ERAP1: variants seen among roughly 807,000 people sequenced by gnomAD.
ERAP1 encodes the protein endoplasmic reticulum aminopeptidase 1.
A neutral mutation model predicts 103.7 loss-of-function variants in ERAP1; 86 were observed. The observed-to-expected ratio is 0.83, with a 90% CI of 0.70 to 0.99. The LOEUF is 0.99. ERAP1 is among the 50% of genes least tolerant of loss of function. The pLI, the probability that ERAP1 is intolerant of heterozygous loss-of-function variation, is 0.00. For missense variants in ERAP1, 1,009 were observed against 1,128.4 expected (o/e 0.89, Z 1.52); for synonymous variants, 398 against 402.4 (o/e 0.99, Z 0.13).
rs469876 is a variant in ERAP1, at chr5:96,785,702, A to G, written c.1943+86T>C. 325,727 of 1,410,578 alleles carry G rather than the reference A, an allele frequency of 0.23. 38,087 individuals are homozygous for G. The highest frequency in any genetic ancestry group is 0.25 in the East Asian group (10,848 of 42,602). The allele number at this position is 1,410,578 out of a possible 1,614,324, so 87.4% of individuals were successfully genotyped here. On this transcript the variant is annotated intron_variant, in intron 13 of 18. Transcript: ENST00000443439. ...ACCTTTCAACTTCTTGTTATCAATC[A>G]ATCATTTTTGTCTTTAGAAATCAAG...
chr5:96,793,932 C>T lies in ERAP1; in HGVS notation c.945G>A (p.Gln315=). 3 of 1,614,026 alleles carry T rather than the reference C, an allele frequency of 1.9e-6. No homozygotes were observed. Among genetic ancestry groups the T allele is most frequent in the South Asian group, 1.1e-5 (1 of 91,086 alleles). The change falls in exon 6 of 19, where the codon CAG becomes CAA. Residue 315 remains glutamine (Q), a synonymous_variant. Coordinates refer to ENST00000443439, the MANE Select transcript of ERAP1 (RefSeq NM_001040458.3). ...KQDLAAIPDF[Q]SGAMENWGLT... ...GTCCCCAGTTTTCCATAGCACCAGA[C>T]TGAAAGTCGGGAATAGCAGCAAGAT...
the ERAP1 span, chr5:96,880,108 T>C: frequency 6.2e-7 from 1 of 1,614,164 alleles, no homozygotes; most frequent in South Asian, 1.1e-5. Context: ...AAGTTTTGAG[T>C]TACCCTGCTC....
In ERAP1 at chr5:96,780,515, A is replaced by G; in HGVS notation, c.2589-11T>C. 1 of 1,596,028 alleles carries G rather than the reference A, an allele frequency of 6.3e-7. No homozygotes were observed. Among genetic ancestry groups the G allele is most frequent in the Non-Finnish European group, 8.6e-7 (1 of 1,163,720 alleles). On this transcript the variant is annotated splice_polypyrimidine_tract_variant and intron_variant, in intron 17 of 18. Transcript: ENST00000443439. Reference sequence around the variant, plus strand: ...GAGCCAAGTTCAAACCTAGAGAGGGAAATATTCAAAAACGGGTTGTGAAAT... The same window carrying G: ...GAGCCAAGTTCAAACCTAGAGAGGGGAATATTCAAAAACGGGTTGTGAAAT...
At chr5:96,882,570 A>C in the ERAP1 span, among the ~76,000 whole-genome samples, 1 of 152,248 alleles carries the variant, frequency 6.6e-6, no homozygotes, top group African/African-American at 2.4e-5. Context: ...TGAGATGCAG[A>C]AGGTCACACT....
downstream of ERAP1, chr5:96,771,549 G>T: frequency 2.4e-6 from 2 of 830,024 alleles, no homozygotes; most frequent in South Asian, 3.5e-5. Flanking sequence ...TTTCCCCACT[G>T]ACTGCCATCT....
At chr5:96,821,500 G>A in the ERAP1 span, among the ~76,000 whole-genome samples, 1 of 152,152 alleles carries the variant, frequency 6.6e-6, no homozygotes, top group Admixed American at 6.5e-5. Context: ...GGGCATTCAG[G>A]CTGATGGGAC....
chr5:96,918,238 A>C, the ERAP1 span: 1 of 152,362 alleles, frequency 6.6e-6, no homozygotes, highest in Non-Finnish European at 1.5e-5. Flanking sequence ...ATTTAGCCTC[A>C]AGTGACTTTC....
At chr5:96,888,338 G>A in the ERAP1 span, among the ~76,000 whole-genome samples, 1 of 152,294 alleles carries the variant, frequency 6.6e-6, no homozygotes, top group African/African-American at 2.4e-5. Context: ...TCAGAGGACA[G>A]GTTCCTGTCA....
chr5:96,888,875 C>T, the ERAP1 span, among the ~76,000 whole-genome samples: 83,482 of 151,978 alleles, frequency 0.55, 22,953 homozygotes, highest in Admixed American at 0.6. Flanking sequence ...ATCATAGAGA[C>T]GAACTCAAGT....
At chr5:96,900,577 A>G in the ERAP1 span, among the ~76,000 whole-genome samples, 1 of 152,212 alleles carries the variant, frequency 6.6e-6, no homozygotes, top group Non-Finnish European at 1.5e-5. Flanking sequence ...TTATAGAATC[A>G]CTACAGGAAA....
chr5:96,870,821 T>TC, the ERAP1 span, among the ~76,000 whole-genome samples: 1 of 152,192 alleles, frequency 6.6e-6, no homozygotes, highest in Admixed American at 6.5e-5. Flanking sequence ...ACTTATCTGC[T>TC]CCCCACTACT....
In ERAP1 at chr5:96,783,856, T is replaced by A. The variant is rs442120; in HGVS notation, c.2100+68A>T. 24 of 351,716 alleles carry A rather than the reference T, an allele frequency of 6.8e-5. No homozygotes were observed. In the East Asian group the frequency reaches 9.0e-4, roughly 13 times the overall value. 21.8% of individuals were successfully genotyped at this position (351,716 alleles called of 1,614,324 possible). ...ACACACACACACACACACACACACA[T>A]ACACACACAATGATTAACACTTTTT... On this transcript the variant is annotated intron_variant, in intron 14 of 18. Coordinates refer to ENST00000443439, the MANE Select transcript of ERAP1 (RefSeq NM_001040458.3).
intron 1 of ERAP1, among the ~76,000 whole-genome samples, chr5:96,806,989 GTTTTGTTA>G (rs1217757791): frequency 4.9e-5 from 1 of 20,536 alleles, no homozygotes; most frequent in African/African-American, 1.1e-4. Flanking sequence ...TTGTTTTGTT[GTTTTGTTA>G]ATTGTTGACC....
the ERAP1 span, among the ~76,000 whole-genome samples, chr5:96,885,171 G>A: frequency 6.6e-6 from 1 of 152,144 alleles, no homozygotes; most frequent in Non-Finnish European, 1.5e-5. Context: ...TAGCCCAGAC[G>A]TATTTCCCCA....
the ERAP1 span, among the ~76,000 whole-genome samples, chr5:96,874,403 G>A: frequency 5.3e-5 from 8 of 152,182 alleles, no homozygotes; most frequent in Non-Finnish European, 1.0e-4. Context: ...CCCACAGCTA[G>A]GCTGGATCTT....
chr5:96,832,718 A>AGCAGATATCATTGTACGTAC, the ERAP1 span, among the ~76,000 whole-genome samples: 1 of 152,272 alleles, frequency 6.6e-6, no homozygotes, highest in Non-Finnish European at 1.5e-5. Context: ...TGCTATAAGT[A>AGCAGATATCATTGTACGTAC]GCAGATATCA....
chr5:96,882,543 G>C, the ERAP1 span, among the ~76,000 whole-genome samples: 1 of 152,158 alleles, frequency 6.6e-6, no homozygotes. Flanking sequence ...AAATAATTCA[G>C]TTGAAAGTGG....
At chr5:96,810,163 A>G (rs1779073001), upstream of ERAP1, among the ~76,000 whole-genome samples, 1 of 152,216 alleles carries the variant, frequency 6.6e-6, no homozygotes, top group Non-Finnish European at 1.5e-5. Context: ...GTTGAAGTGC[A>G]CTACAAAGAG....
the ERAP1 span, among the ~76,000 whole-genome samples, chr5:96,840,850 C>T: frequency 6.6e-5 from 10 of 152,042 alleles, no homozygotes; most frequent in African/African-American, 9.7e-5. Context: ...GGACTACAGG[C>T]GCGCACCACC....
Sources: allele counts gnomAD v4.1 joint callset (sites outside exome capture counted in the v4.1 genomes callset), GRCh38; gene constraint gnomAD v4.1.1; transcripts MANE v1.5; gene names NCBI Gene and HGNC (gene_info 2026-07-23, HGNC 2026-07-21).